Variants in NHS observed in about 807,000 individuals in gnomAD.
NHS encodes the protein actin remodeling regulator NHS.
A neutral mutation model predicts 72.5 loss-of-function variants in NHS; 5 were observed. The ratio of observed to expected loss-of-function variants is 0.07; its 90% CI spans 0.04 to 0.14. The LOEUF (loss-of-function observed/expected upper bound fraction) is 0.14, where lower values mean the gene tolerates loss of function less well. Among genes scored for constraint, NHS ranks in the 10% least tolerant of loss-of-function variants. The pLI is 1.00. For missense variants in NHS, 1,072 were observed against 1,355.7 expected (o/e 0.79, Z 3.29); for synonymous variants, 464 against 547.7 (o/e 0.85, Z 2.13).
rs11347866 is a variant in NHS at position 17,692,233 on chromosome X, CT to C, written c.719-88del. The C allele has an allele frequency of 0.22, 165,431 of 744,065 alleles. 4,943 individuals are homozygous for C. The highest frequency in any genetic ancestry group is 0.54 in the African/African-American group (23,961 of 44,018). 61.3% of individuals were successfully genotyped at this position (744,065 alleles called of 1,213,427 possible). A position where few individuals can be genotyped will look rare whatever the true frequency, so the allele number is the denominator to read the frequency against. On this transcript the variant is annotated intron_variant, in intron 2 of 8. Coordinates refer to ENST00000676302, the MANE Select transcript of NHS (RefSeq NM_001291867.2). ...AATTAGCTAAAGTAATGAAAACTCA[CT>C]TTTTTTTTTTTTTACAGCCTTTTGC... is the stretch of plus-strand genomic sequence containing the variant.
Position 17,567,515 on chromosome X carries a change from A to G in NHS, c.566-120227A>G, listed in dbSNP as rs764107391. 1.9e-3 allele frequency among the ~76,000 whole-genome samples: 217 copies of G among 111,792 alleles called. 1 individual carries two copies. The highest frequency in any genetic ancestry group is 2.2e-3 in the African/African-American group (67 of 30,705). On this transcript the variant is annotated intron_variant, in intron 1 of 8. Transcript: ENST00000676302. ...CGAGAATGATCTATAGCTTCAAAGG[A>G]AAAAATTAACAAACAAGCAAAGTCG...
At chrX:17,434,158 T>A in intron 1 of NHS, among the ~76,000 whole-genome samples, 1 of 111,579 alleles carries the variant, frequency 9.0e-6, no homozygotes, top group Non-Finnish European at 1.9e-5. Flanking sequence ...CATTTATCAC[T>A]TCCATCCACA....
intron 1 of NHS, among the ~76,000 whole-genome samples, chrX:17,510,160 G>A (rs2065080412): frequency 8.9e-6 from 1 of 112,412 alleles, no homozygotes; most frequent in Non-Finnish European, 1.9e-5. Context: ...CTTTTTCAGT[G>A]TCTCTTTCTA....
chrX:17,637,455 C>T (rs1351728540), intron 1 of NHS, among the ~76,000 whole-genome samples: 2 of 110,956 alleles, frequency 1.8e-5, no homozygotes, highest in Non-Finnish European at 1.9e-5. Context: ...AAGCTGCTGG[C>T]GTGTCATGAG....
intron 1 of NHS, among the ~76,000 whole-genome samples, chrX:17,386,678 A>G (rs1220637059): frequency 4.6e-5 from 5 of 108,868 alleles, no homozygotes; most frequent in Non-Finnish European, 7.6e-5. Context: ...AAAAAAAAAA[A>G]AAAAAAGAAA....
At chrX:17,602,796 CAA>C (rs1350295097) in intron 1 of NHS, among the ~76,000 whole-genome samples, 2 of 101,350 alleles carry the variant, frequency 2.0e-5, no homozygotes, top group Non-Finnish European at 4.0e-5. Flanking sequence ...TTTTAATAGA[CAA>C]ATAATAATTG....
At chrX:17,485,673 A>G (rs915996404) in intron 1 of NHS, among the ~76,000 whole-genome samples, 1 of 111,304 alleles carries the variant, frequency 9.0e-6, no homozygotes, top group African/African-American at 3.3e-5. Flanking sequence ...CTGCTTTTCA[A>G]TTTTCCCAAG....
chrX:17,678,293 T>TGAGA (rs756746897), intron 1 of NHS, among the ~76,000 whole-genome samples: 1,694 of 101,876 alleles, frequency 0.017, 46 homozygotes, highest in African/African-American at 0.059. Flanking sequence ...TGTGTGTGTG[T>TGAGA]GAGAGAGAGA....
intron 2 of NHS, 60 bp downstream of exon 2, chrX:17,687,954 G>C (rs1028458387): frequency 2.0e-5 from 23 of 1,138,722 alleles, no homozygotes; most frequent in East Asian, 9.3e-5. Flanking sequence ...GTCCCATCCA[G>C]GTGTCCTCTG....
At chrX:17,387,020 C>T (rs2064414260) in intron 1 of NHS, among the ~76,000 whole-genome samples, 1 of 112,168 alleles carries the variant, frequency 8.9e-6, no homozygotes, top group Non-Finnish European at 1.9e-5. Flanking sequence ...TGCTGTCACC[C>T]ACATCTTCGA....
intron 1 of NHS, among the ~76,000 whole-genome samples, chrX:17,592,010 ATGTGTGTGTGTGTG>A (rs57852279): frequency 9.5e-6 from 1 of 104,752 alleles, no homozygotes; most frequent in African/African-American, 3.5e-5. Context: ...TGGTCCACTG[ATGTGTGTGTGTGTG>A]TGTGTGTGTG....
chrX:17,518,573 G>C (rs1488358263), intron 1 of NHS, among the ~76,000 whole-genome samples: 1 of 111,735 alleles, frequency 8.9e-6, no homozygotes, highest in Non-Finnish European at 1.9e-5. Flanking sequence ...GGCCTCTGCT[G>C]ATCTTTGACC....
chrX:17,472,854 A>G (rs1226471559), intron 1 of NHS, among the ~76,000 whole-genome samples: 1 of 112,119 alleles, frequency 8.9e-6, no homozygotes, highest in Admixed American at 9.5e-5. Context: ...TGTGATATCA[A>G]AGGCGTGTTT....
At chrX:17,660,234 T>A (rs2065976487) in intron 1 of NHS, among the ~76,000 whole-genome samples, 1 of 111,738 alleles carries the variant, frequency 8.9e-6, no homozygotes, top group African/African-American at 3.3e-5. Context: ...GACACTACTG[T>A]GTAGTCCGTT....
At chrX:17,468,446 T>A (rs1445733549) in intron 1 of NHS, among the ~76,000 whole-genome samples, 1 of 110,229 alleles carries the variant, frequency 9.1e-6, no homozygotes, top group African/African-American at 3.3e-5. Context: ...TTTTTTTTTT[T>A]TTCTTACTGA....
intron 1 of NHS, among the ~76,000 whole-genome samples, chrX:17,425,601 G>A (rs1373449112): frequency 1.1e-5 from 1 of 87,712 alleles, no homozygotes; most frequent in Non-Finnish European, 2.1e-5. Flanking sequence ...AGAAATTGAG[G>A]AGGAATTCAG....
chrX:17,388,626 G>A (rs2064422966), intron 1 of NHS, among the ~76,000 whole-genome samples: 1 of 109,263 alleles, frequency 9.2e-6, no homozygotes, highest in Non-Finnish European at 1.9e-5. Context: ...TAAGAGGCCA[G>A]CAAGGAGAAA....
intron 1 of NHS, among the ~76,000 whole-genome samples, chrX:17,393,017 A>G (rs746625836): frequency 7.4e-4 from 83 of 112,035 alleles, no homozygotes; most frequent in Non-Finnish European, 8.3e-4. Context: ...TGTTGCATGT[A>G]GTTGTAGTTC....
intron 1 of NHS, among the ~76,000 whole-genome samples, chrX:17,544,592 A>C (rs1254477380): frequency 9.0e-6 from 1 of 111,540 alleles, no homozygotes; most frequent in Non-Finnish European, 1.9e-5. Context: ...GCTCCCTGCA[A>C]CCTCTGCCTC....
Sources: allele counts gnomAD v4.1 joint callset (sites outside exome capture counted in the v4.1 genomes callset), GRCh38; gene constraint gnomAD v4.1.1; transcripts MANE v1.5; gene names NCBI Gene and HGNC (gene_info 2026-07-23, HGNC 2026-07-21).